NALF1: variants seen among roughly 807,000 people sequenced by gnomAD.
The protein encoded by NALF1 is NALCN channel auxiliary factor 1.
NALF1 carries 3 observed loss-of-function variants against 48.4 expected under a neutral mutation model. The observed-to-expected ratio is 0.06, with a 90% confidence interval of 0.03 to 0.16. NALF1 has a LOEUF of 0.16. Ranked by LOEUF, NALF1 falls within the 10% of genes least tolerant of loss-of-function variation. NALF1 has a pLI of 1.00. For missense variants in NALF1, 526 were observed against 571.5 expected (o/e 0.92, Z 0.81); for synonymous variants, 262 against 245.7 (o/e 1.07, Z -0.62).
chr13:107,693,606 T>A (rs535347356), intron 1 of NALF1, among the ~76,000 whole-genome samples: 7 of 151,984 alleles, frequency 4.6e-5, no homozygotes, highest in African/African-American at 1.7e-4. Context: ...CATTTTTCTT[T>A]TTTTTTTTTT....
chr13:107,430,183 T>A (rs192788035), intron 1 of NALF1, among the ~76,000 whole-genome samples: 1 of 152,284 alleles, frequency 6.6e-6, no homozygotes, highest in East Asian at 1.9e-4. Context: ...AGCTATTTCA[T>A]AGCAAGCGGT....
intron 1 of NALF1, among the ~76,000 whole-genome samples, chr13:107,698,724 A>G (rs1022602209): frequency 3.9e-5 from 6 of 152,154 alleles, no homozygotes; most frequent in African/African-American, 1.4e-4. Context: ...AACAGTATGC[A>G]GAATAAGAAC....
intron 1 of NALF1, among the ~76,000 whole-genome samples, chr13:107,401,347 C>T (rs1307393949): frequency 6.6e-6 from 1 of 152,112 alleles, no homozygotes; most frequent in African/African-American, 2.4e-5. Context: ...TGGGGTATAT[C>T]CTCCCCTCAA....
At chr13:107,236,945 A>T (rs564934461) in intron 1 of NALF1, among the ~76,000 whole-genome samples, 50 of 152,250 alleles carry the variant, frequency 3.3e-4, no homozygotes, top group African/African-American at 1.2e-3. Flanking sequence ...CCTGGAGGTG[A>T]TTTAAAGTAT....
At chr13:107,218,576 G>T (rs577356129) in intron 1 of NALF1, among the ~76,000 whole-genome samples, 1 of 152,116 alleles carries the variant, frequency 6.6e-6, no homozygotes, top group East Asian at 1.9e-4. Context: ...CTTTTCATAT[G>T]ACCAACCCAG....
intron 1 of NALF1, among the ~76,000 whole-genome samples, chr13:107,780,133 G>A (rs1277766847): frequency 6.6e-6 from 1 of 151,418 alleles, no homozygotes; most frequent in Non-Finnish European, 1.5e-5. Flanking sequence ...GTGGCCCGTG[G>A]CAATCTCCTA....
At chr13:107,442,047 C>T (rs1884569136) in intron 1 of NALF1, among the ~76,000 whole-genome samples, 1 of 152,104 alleles carries the variant, frequency 6.6e-6, no homozygotes, top group Non-Finnish European at 1.5e-5. Context: ...GGATGGATTG[C>T]CCCAAAGAGT....
chr13:107,206,867 GAAGA>G, intron 2 of NALF1, among the ~76,000 whole-genome samples: 1 of 152,326 alleles, frequency 6.6e-6, no homozygotes, highest in Non-Finnish European at 1.5e-5. Context: ...AAAAGTAAGT[GAAGA>G]ATCCTCGATA....
intron 1 of NALF1, among the ~76,000 whole-genome samples, chr13:107,239,327 C>T (rs549726279): frequency 6.6e-6 from 1 of 152,084 alleles, no homozygotes; most frequent in Non-Finnish European, 1.5e-5. Flanking sequence ...GTGGTGTTGC[C>T]GGTCACCCTC....
At chr13:107,413,889 C>T (rs1030510232) in intron 1 of NALF1, among the ~76,000 whole-genome samples, 2 of 152,086 alleles carry the variant, frequency 1.3e-5, no homozygotes, top group South Asian at 2.1e-4. Flanking sequence ...TGGGTTCAAG[C>T]GATTCTCCTG....
chr13:107,507,557 C>T (rs1363615448), intron 1 of NALF1, among the ~76,000 whole-genome samples: 4 of 140,938 alleles, frequency 2.8e-5, no homozygotes, highest in Admixed American at 2.2e-4. Context: ...TAAACATCTC[C>T]CATCATGTCC....
At chr13:107,583,509 T>C (rs1878371662) in intron 1 of NALF1, among the ~76,000 whole-genome samples, 1 of 152,170 alleles carries the variant, frequency 6.6e-6, no homozygotes, top group Admixed American at 6.6e-5. Context: ...GCAGGAGTGA[T>C]CCATCAGAAC....
At chr13:107,550,897 T>C (rs1209365974) in intron 1 of NALF1, among the ~76,000 whole-genome samples, 1 of 148,006 alleles carries the variant, frequency 6.8e-6, no homozygotes, top group Non-Finnish European at 1.5e-5. Context: ...TTTATTGACA[T>C]TCAGAAAAAA....
chr13:107,451,379 C>T (rs973336456), intron 1 of NALF1, among the ~76,000 whole-genome samples: 12 of 152,108 alleles, frequency 7.9e-5, no homozygotes, highest in Admixed American at 2.6e-4. Flanking sequence ...CTAAATTAGA[C>T]GGATTTAAAC....
At chr13:107,551,732 T>A (rs1376150818) in intron 1 of NALF1, among the ~76,000 whole-genome samples, 1 of 152,104 alleles carries the variant, frequency 6.6e-6, no homozygotes, top group Non-Finnish European at 1.5e-5. Flanking sequence ...AGTAACCTCT[T>A]AGTGACCTCT....
chr13:107,479,137 A>C (rs1009419832), intron 1 of NALF1, among the ~76,000 whole-genome samples: 2 of 152,150 alleles, frequency 1.3e-5, no homozygotes, highest in African/African-American at 4.8e-5. Context: ...CCATTAAACC[A>C]GATGAGAGGC....
chr13:107,541,015 A>G (rs1459358871), intron 1 of NALF1, among the ~76,000 whole-genome samples: 1 of 152,144 alleles, frequency 6.6e-6, no homozygotes. Context: ...ACTTGTTATT[A>G]ACAAGAATAT....
intron 1 of NALF1, among the ~76,000 whole-genome samples, chr13:107,506,420 T>A (rs1194435385): frequency 1.3e-5 from 2 of 152,170 alleles, no homozygotes; most frequent in Non-Finnish European, 2.9e-5. Context: ...AATTTACATA[T>A]AATACAGTTC....
intron 1 of NALF1, among the ~76,000 whole-genome samples, chr13:107,235,644 C>T (rs1880326703): frequency 6.6e-6 from 1 of 152,200 alleles, no homozygotes; most frequent in African/African-American, 2.4e-5. Context: ...AGTATGAATG[C>T]AGTCATCCAT....
Sources: gnomAD v4.1 joint callset for allele counts (sites outside exome capture counted in the v4.1 genomes callset) on GRCh38, gnomAD v4.1.1 for gene constraint, MANE v1.5 for transcripts, NCBI Gene and HGNC (gene_info 2026-07-23, HGNC 2026-07-21) for gene names.